The following FAM227A variants were observed in gnomAD, a reference collection of about 807,000 sequenced individuals.
FAM227A encodes the protein family with sequence similarity 227 member A.
In FAM227A, 80 loss-of-function variants were observed where a neutral mutation model predicts 74.7. The ratio of observed to expected loss-of-function variants is 1.07; its 90% CI spans 0.89 to 1.29. The LOEUF is 1.29. Among genes scored for constraint, FAM227A ranks in the 50% most tolerant of loss-of-function variants. FAM227A has a pLI of 0.00. For synonymous variants in FAM227A, 237 were observed against 241.8 expected, an observed-to-expected ratio of 0.98 and a Z score of 0.19; for missense variants, 654 against 683.4, an observed-to-expected ratio of 0.96 and a Z score of 0.48.
chr22:38,592,909 A>C (rs570175762), intron 15 of FAM227A, among the ~76,000 whole-genome samples: 2 of 152,394 alleles, frequency 1.3e-5, no homozygotes, highest in East Asian at 3.8e-4. Flanking sequence ...GAAGTACAAC[A>C]AAACGACTGA....
intron 8 of FAM227A, among the ~76,000 whole-genome samples, chr22:38,627,728 G>A (rs529834999): frequency 3.6e-4 from 55 of 152,008 alleles, no homozygotes; most frequent in Non-Finnish European, 5.7e-4. Flanking sequence ...TCAGCCTCCC[G>A]AGTAGCTGGG....
chr22:38,652,737 C>T (rs1364872279), intron 1 of FAM227A, among the ~76,000 whole-genome samples: 2 of 150,788 alleles, frequency 1.3e-5, no homozygotes, highest in African/African-American at 2.4e-5. Flanking sequence ...ATTAGCCTGG[C>T]GTGGTGGCGG....
rs528529365 is a variant in FAM227A, at chr22:38,650,509, A to C, written c.-94-247T>G. ...ATGATGAAAATTGTTCTAGTTTTAA[A>C]AATAAGGAAACTAGAATGCGGAAAA... On this transcript the variant is annotated intron_variant, in intron 1 of 16. Transcript: ENST00000535113. Among the ~76,000 whole-genome samples, 9 of 152,294 alleles carry C rather than the reference A, an allele frequency of 5.9e-5. No individual in the cohort carries two copies. The East Asian group carries it at 1.7e-3, about 29-fold the overall frequency.
chr22:38,636,326 G>T, intron 6 of FAM227A, 125 bp downstream of exon 6: 1 of 1,063,520 alleles, frequency 9.4e-7, no homozygotes, highest in Non-Finnish European at 1.3e-6. Flanking sequence ...TCCTAGCTCA[G>T]CTCAGACACC....
At chr22:38,610,951 T>C (rs762643892) in intron 11 of FAM227A, among the ~76,000 whole-genome samples, 5 of 151,876 alleles carry the variant, frequency 3.3e-5, no homozygotes, top group Non-Finnish European at 7.4e-5. Context: ...CCCCAGCTAC[T>C]TGGGAGGCTG....
chr22:38,593,064 G>A (rs2090971539), intron 15 of FAM227A, among the ~76,000 whole-genome samples: 1 of 152,196 alleles, frequency 6.6e-6, no homozygotes, highest in South Asian at 2.1e-4. Flanking sequence ...AAAAAGACCT[G>A]TATCCCAACC....
chr22:38,647,577 A>G (rs755216721), intron 2 of FAM227A, among the ~76,000 whole-genome samples: 89 of 152,182 alleles, frequency 5.8e-4, no homozygotes, highest in Admixed American at 3.0e-3. Flanking sequence ...GGGACAGATG[A>G]CGGCGTCAAA....
rs574038951 is a variant in FAM227A, at chr22:38,623,086, A to G, written c.958+86T>C. On this transcript the variant is annotated intron_variant, in intron 10 of 16. Transcript: ENST00000535113. ...AGAGAGAACTTGACCTGAGGACATCAATGCTAAGGCCTCTCCTCCCTCAGT... is the reference window on the plus strand; with the variant it reads ...AGAGAGAACTTGACCTGAGGACATCGATGCTAAGGCCTCTCCTCCCTCAGT... 245 of 923,932 alleles carry G rather than the reference A, an allele frequency of 2.7e-4. 2 individuals are homozygous for G. The East Asian group carries it at 6.0e-3, about 23-fold the overall frequency. 57.2% of individuals were successfully genotyped at this position (923,932 alleles called of 1,614,324 possible). A position where few individuals can be genotyped will look rare whatever the true frequency, so the allele number is the denominator to read the frequency against.
Position 38,640,073 on chromosome 22 carries a change from G to A in FAM227A, c.226-349C>T, listed in dbSNP as rs988611209. ...TTTTGAGACGGAGTCTCGCTCTGTT[G>A]CCCAGGCTGGAATGCAGTGGTGCAA... On this transcript the variant is annotated intron_variant, in intron 3 of 16. Transcript: ENST00000535113. Among the ~76,000 whole-genome samples the A allele has an allele frequency of 6.0e-5, 9 of 150,664 alleles. No homozygotes were observed. In the East Asian group the frequency reaches 1.8e-3, roughly 29 times the overall value.
intron 1 of FAM227A, among the ~76,000 whole-genome samples, chr22:38,650,674 C>T (rs1421845667): frequency 1.3e-5 from 2 of 152,122 alleles, no homozygotes; most frequent in Admixed American, 6.6e-5. Flanking sequence ...TCCAGCTTTC[C>T]GATGCTGTGA....
chr22:38,635,436 A>G (rs560265336), intron 6 of FAM227A, among the ~76,000 whole-genome samples: 16 of 152,144 alleles, frequency 1.1e-4, no homozygotes, highest in East Asian at 3.9e-4. Context: ...TATGTGATGA[A>G]GAGCCATGAG....
At position 38,580,072 on chromosome 22, in the gene FAM227A, C is replaced by T. The variant is rs938994751; in HGVS notation, c.*6053G>A. 3 of 149,988 alleles carry T rather than the reference C, an allele frequency of 2.0e-5. No homozygotes were observed. Among genetic ancestry groups the T allele is most frequent in the Admixed American group, 6.6e-5 (1 of 15,090 alleles). The allele number at this position is 149,988 out of a possible 1,614,324, so 9.3% of individuals were successfully genotyped here. A position where few individuals can be genotyped will look rare whatever the true frequency, so the allele number is the denominator to read the frequency against. On this transcript the variant is annotated 3_prime_UTR_variant, in exon 17 of 17. Coordinates refer to ENST00000535113, the MANE Select transcript of FAM227A (RefSeq NM_001013647.2). ...AGTAGCTAGGACTACAGGCGTATGC[C>T]ACCTTGCTCTGCTAATTTTTACTTT...
At chr22:38,586,391 C>A (rs1878409130) in intron 16 of FAM227A, among the ~76,000 whole-genome samples, 192 bp from the exon 17 acceptor site, 1 of 152,152 alleles carries the variant, frequency 6.6e-6, no homozygotes, top group African/African-American at 2.4e-5. Flanking sequence ...ATCCCCAGTG[C>A]CTCCATCCTT....
At chr22:38,598,957 CTT>C (rs71197121) in intron 14 of FAM227A, among the ~76,000 whole-genome samples, 24 of 136,188 alleles carry the variant, frequency 1.8e-4, no homozygotes, top group Non-Finnish European at 1.6e-4. Flanking sequence ...TGTTTTCTTT[CTT>C]TTTTTTTTTT....
chr22:38,652,783 A>G (rs549890835), intron 1 of FAM227A, among the ~76,000 whole-genome samples: 1 of 148,820 alleles, frequency 6.7e-6, no homozygotes, highest in Non-Finnish European at 1.5e-5. Context: ...AGGCTGAGGC[A>G]GGAGAATGGC....
chr22:38,631,039 G>A (rs780606549), intron 6 of FAM227A, among the ~76,000 whole-genome samples: 1 of 152,098 alleles, frequency 6.6e-6, no homozygotes, highest in South Asian at 2.1e-4. Flanking sequence ...GTGGTGATGC[G>A]CATCTATAAT....
chr22:38,645,117 C>T (rs1401629729), intron 3 of FAM227A, among the ~76,000 whole-genome samples: 1 of 151,510 alleles, frequency 6.6e-6, no homozygotes, highest in African/African-American at 2.4e-5. Flanking sequence ...ATTGGCCGGG[C>T]GCGGTGGCTC....
intron 6 of FAM227A, 147 bp from the exon 7 acceptor site, chr22:38,629,082 C>CTGT: frequency 1.7e-6 from 1 of 578,434 alleles, no homozygotes; most frequent in Non-Finnish European, 3.0e-6. Context: ...TCATTTAACC[C>CTGT]CTATAATAGT....
At chr22:38,627,596 GTTTT>G (rs578018879) in intron 8 of FAM227A, among the ~76,000 whole-genome samples, 2 of 147,506 alleles carry the variant, frequency 1.4e-5, no homozygotes, top group African/African-American at 5.0e-5. Flanking sequence ...GAAAGGGAAA[GTTTT>G]TTTTTTGTTT....
Sources: gnomAD v4.1 joint callset for allele counts (sites outside exome capture counted in the v4.1 genomes callset) on GRCh38, gnomAD v4.1.1 for gene constraint, MANE v1.5 for transcripts, NCBI Gene and HGNC (gene_info 2026-07-23, HGNC 2026-07-21) for gene names.